The following LRCH4 variants were observed in gnomAD, a reference collection of about 807,000 sequenced individuals.
LRCH4 encodes leucine rich repeats and calponin homology domain containing 4.
In LRCH4, 56 loss-of-function variants were observed where a neutral mutation model predicts 81.2. That is an observed-to-expected ratio of 0.69 (90% CI 0.56 to 0.86). The LOEUF is 0.86. LRCH4 is among the 40% of genes least tolerant of loss of function. LRCH4 has a pLI of 0.00. For missense variants in LRCH4, 895 were observed against 922.8 expected, an observed-to-expected ratio of 0.97 and a Z score of 0.39; for synonymous variants, 442 against 409.7, an observed-to-expected ratio of 1.08 and a Z score of -0.95.
At position 100,576,717 on chromosome 7, in the gene LRCH4, C is replaced by T. The variant is rs150672994; in HGVS notation, c.1529G>A (p.Arg510His). 229 of 1,595,862 alleles carry T rather than the reference C, an allele frequency of 1.4e-4. No homozygotes were observed. Among genetic ancestry groups the T allele is most frequent in the Non-Finnish European group, 1.8e-4 (207 of 1,171,318 alleles). ...SIQRPNSFLFRSSSQSGSGPS... is the reference protein window; with the variant it reads ...SIQRPNSFLFHSSSQSGSGPS... The stretch of plus-strand genomic sequence containing the variant: ...ACCTGAGCCACTCTGAGAGGAGGAA[C>T]GGAAGAGGAAGCTGTTTGGTCTCTG... Residue 510 changes from arginine (R) to histidine (H), a missense_variant, in exon 14 of 18, where the codon CGT (arginine) becomes CAT (histidine). Arg to His is a conservative substitution (Grantham distance 29). This residue lies in a region of LRCH4 where 529 missense variants were observed against 504.9 expected (regional missense o/e 1.05). Transcript: ENST00000310300.
chr7:100,576,414 CCT>C, intron 14 of LRCH4, 91 bp from the exon 15 acceptor site: 4 of 867,668 alleles, frequency 4.6e-6, no homozygotes, highest in East Asian at 5.1e-5. Flanking sequence ...ACACCTCCTG[CCT>C]CTCTGCTTGT....
At position 100,575,536 on chromosome 7, in the gene LRCH4, G is replaced by A. The variant is rs1438824420; in HGVS notation, c.1854+169C>T. 1 of 914,556 alleles carries A rather than the reference G, an allele frequency of 1.1e-6. No individual in the cohort carries two copies. The highest frequency in any genetic ancestry group is 1.3e-5 in the South Asian group (1 of 76,480). The allele number at this position is 914,556 out of a possible 1,614,324, so 56.7% of individuals were successfully genotyped here. On this transcript the variant is annotated intron_variant, in intron 17 of 17. Transcript: ENST00000310300. The surrounding 1 kb of genome is among the most constrained non-coding windows in gnomAD (Gnocchi z 5.3). ...AGGGCAGGGGATGTGTAGGACAGGTGACATGCAGGGCAGGGGGCATGCAGG... is the reference window on the plus strand; with the variant it reads ...AGGGCAGGGGATGTGTAGGACAGGTAACATGCAGGGCAGGGGGCATGCAGG...
rs1562803344 is a variant in LRCH4 at position 100,574,794 on chromosome 7, ACAG to A, written c.*310_*312del. 3.3e-6 allele frequency: 1 copy of A among 306,344 alleles called. No individual in the cohort carries two copies. Among genetic ancestry groups the A allele is most frequent in the Non-Finnish European group, 6.1e-6 (1 of 163,698 alleles). The allele number at this position is 306,344 out of a possible 1,614,324, so 19.0% of individuals were successfully genotyped here. ...GCTGTTGGGGGGGGAAGGGGAGGGCACAGGAGGAAGGGGGAGACTCCAGCTCCT... is the reference window on the plus strand; with the variant it reads ...GCTGTTGGGGGGGGAAGGGGAGGGCAGAGGAAGGGGGAGACTCCAGCTCCT... On this transcript the variant is annotated 3_prime_UTR_variant, in exon 18 of 18. Transcript: ENST00000310300.
rs1436257377 is a variant in LRCH4, at chr7:100,578,352, G to C, written c.848+47C>G. 2 of 1,602,178 alleles carry C rather than the reference G, an allele frequency of 1.2e-6. No homozygotes were observed. The highest frequency in any genetic ancestry group is 1.7e-6 in the Non-Finnish European group (2 of 1,169,400). Reference sequence around the variant, plus strand: ...GCAGGGGGTGCCTGGGGCCGGGAAGGGGCATTCAGTATCCCAGGGCTTCCT... The same window carrying C: ...GCAGGGGGTGCCTGGGGCCGGGAAGCGGCATTCAGTATCCCAGGGCTTCCT... On this transcript the variant is annotated intron_variant, in intron 6 of 17. Coordinates refer to ENST00000310300, the MANE Select transcript of LRCH4 (RefSeq NM_002319.5). The surrounding 1 kb of genome is among the most constrained non-coding windows in gnomAD (Gnocchi z 5.7).
intron 14 of LRCH4, 152 bp from the exon 15 acceptor site, chr7:100,576,475 G>A (rs1562804948): frequency 1.5e-6 from 1 of 675,446 alleles, no homozygotes. Flanking sequence ...TGTTGCCCAG[G>A]CTGGTCTTGA....
At chr7:100,584,826 C>G (rs1311403360) in intron 1 of LRCH4, 3 of 455,608 alleles carry the variant, frequency 6.6e-6, no homozygotes, top group Non-Finnish European at 1.3e-5. Flanking sequence ...GCACTATCCT[C>G]CAGCTCTGGT....
At chr7:100,585,455 C>G (rs1010376884) in intron 1 of LRCH4, 2 of 159,104 alleles carry the variant, frequency 1.3e-5, no homozygotes, top group African/African-American at 4.9e-5. Context: ...CCCGGGGCTG[C>G]TCGGATCTCG....
chr7:100,576,307 G>A lies in LRCH4; in HGVS notation c.1569C>T (p.Asp523=). The change falls in exon 15 of 18, where the codon GAC becomes GAT. Residue 523 remains aspartate, a synonymous_variant. Transcript: ENST00000310300. ...GGTACCGCCGAGGTCTCAGGACAGA[G>A]TCTGGTGAGGAAGGGCCTAGGAGAA... ...SQSGSGPSSP[D]SVLRPRRYPQ... 1 of 1,614,046 alleles carries A rather than the reference G, an allele frequency of 6.2e-7. No individual in the cohort carries two copies. Among genetic ancestry groups the A allele is most frequent in the Non-Finnish European group, 8.5e-7 (1 of 1,179,932 alleles).
At position 100,583,255 on chromosome 7, in the gene LRCH4, G is replaced by A. The variant is rs1051874566; in HGVS notation, c.221-796C>T. ...CACAGACTTCAAGAGATCAGCAACT[G>A]TGTGAGCATCTCAGGCACGGCGAGG... On this transcript the variant is annotated intron_variant, in intron 1 of 17. Transcript: ENST00000310300. This position sits in a 1 kb window ranked among gnomAD's most constrained non-coding sequence, Gnocchi z 4.3. 6.6e-6 allele frequency among the ~76,000 whole-genome samples: 1 copy of A among 152,190 alleles called. No individual in the cohort carries two copies. The highest frequency in any genetic ancestry group is 1.5e-5 in the Non-Finnish European group (1 of 68,020).
rs1476845029 is a variant in LRCH4, at chr7:100,582,433, C to T, written c.247G>A (p.Val83Met). 8 of 1,611,578 alleles carry T rather than the reference C, an allele frequency of 5.0e-6. No individual in the cohort carries two copies. The highest frequency in any genetic ancestry group is 5.9e-6 in the Non-Finnish European group (7 of 1,179,948). ...ACCAGCTGGCACGCCGCCTCGGGCA[C>T]CTCGGGAAACCGGTTCCGGGACAGG... Reference protein sequence around the residue: ...ADLSRNRFPEVPEAACQLVSL... With the variant: ...ADLSRNRFPEMPEAACQLVSL... Residue 83 changes from valine (V) to methionine (M), a missense_variant, in exon 2 of 18, where the codon GTG (valine) becomes ATG (methionine). Physicochemically the swap from Val to Met is conservative, Grantham distance 21 (BLOSUM62 1). Around this residue, in one of 3 missense-constraint regions of LRCH4, gnomAD observed 360 missense variants for 397.0 expected, o/e 0.91. Coordinates refer to ENST00000310300, the MANE Select transcript of LRCH4 (RefSeq NM_002319.5). The surrounding 1 kb of genome is among the most constrained non-coding windows in gnomAD (Gnocchi z 5.0).
rs1390504450 is a variant in LRCH4, at chr7:100,577,618, C to T, written c.1116+46G>A. The T allele has an allele frequency of 6.2e-7, 1 of 1,612,244 alleles. No homozygotes were observed. The highest frequency in any genetic ancestry group is 1.1e-5 in the South Asian group (1 of 91,078). Reference sequence around the variant, plus strand: ...CCTGTGCCCACGCCTGCCCTGTCCCCTCCTCCAGCTCCCCTCCCTTGGGAG... The same window carrying T: ...CCTGTGCCCACGCCTGCCCTGTCCCTTCCTCCAGCTCCCCTCCCTTGGGAG... On this transcript the variant is annotated intron_variant, in intron 9 of 17. Coordinates refer to ENST00000310300, the MANE Select transcript of LRCH4 (RefSeq NM_002319.5). The surrounding 1 kb of genome is among the most constrained non-coding windows in gnomAD (Gnocchi z 6.7).
chr7:100,576,147 G>C (rs953145569), intron 15 of LRCH4, 91 bp downstream of exon 15: 35 of 1,493,630 alleles, frequency 2.3e-5, no homozygotes, highest in Non-Finnish European at 3.0e-5. Context: ...AGTGGGCACA[G>C]AGGATGTGGA....
rs1801423797 is a variant in LRCH4 at position 100,577,877 on chromosome 7, G to A, written c.984C>T (p.Ile328=). Residue 328 remains isoleucine, a synonymous_variant, in exon 8 of 18, where the codon ATC becomes ATT. Transcript: ENST00000310300. The surrounding 1 kb of genome is among the most constrained non-coding windows in gnomAD (Gnocchi z 6.7). ...TDEFSELSFR[I]SELAREPRGP... ...CCCGGGGCTCCCGGGCCAGCTCTGA[G>A]ATCCGGAATGACAGCTCTGAAAATT... 12 of 1,614,076 alleles carry A rather than the reference G, an allele frequency of 7.4e-6. No homozygotes were observed. Among genetic ancestry groups the A allele is most frequent in the Admixed American group, 1.7e-5 (1 of 60,028 alleles).
chr7:100,577,132 C>T lies in LRCH4; in HGVS notation c.1318G>A (p.Ala440Thr). The change falls in exon 12 of 18, where the codon GCT becomes ACT. Residue 440 changes from alanine to threonine, a missense_variant. Ala to Thr is a moderately conservative substitution (Grantham distance 58). This residue lies in a region of LRCH4 where 529 missense variants were observed against 504.9 expected (regional missense o/e 1.05). Coordinates refer to ENST00000310300, the MANE Select transcript of LRCH4 (RefSeq NM_002319.5). This position sits in a 1 kb window ranked among gnomAD's most constrained non-coding sequence, Gnocchi z 6.7. The stretch of plus-strand genomic sequence containing the variant: ...ACGGCGGCGGCCCCTCCCACAACAG[C>T]CCTGAGCCCTGGCTTCAAGAGGCTG... ...KDSLLKPGLR[A>T]VVGGAAAVST... The T allele has an allele frequency of 1.9e-6, 3 of 1,614,080 alleles. No homozygotes were observed. The highest frequency in any genetic ancestry group is 2.5e-6 in the Non-Finnish European group (3 of 1,179,996).
Position 100,577,143 on chromosome 7 carries a change from G to T in LRCH4, c.1307C>A (p.Pro436Gln). 5 of 1,614,062 alleles carry T rather than the reference G, an allele frequency of 3.1e-6. No individual in the cohort carries two copies. The highest frequency in any genetic ancestry group is 4.2e-6 in the Non-Finnish European group (5 of 1,179,996). The change falls in exon 12 of 18, where the codon CCA becomes CAA. Residue 436 changes from proline to glutamine, a missense_variant. Physicochemically the swap from Pro to Gln is moderately conservative, Grantham distance 76. Transcript: ENST00000310300. The surrounding 1 kb of genome is among the most constrained non-coding windows in gnomAD (Gnocchi z 6.7). The stretch of plus-strand genomic sequence containing the variant: ...CCCTCCCACAACAGCCCTGAGCCCT[G>T]GCTTCAAGAGGCTGGAACAAGGAGA... ...GAPRKDSLLK[P>Q]GLRAVVGGAA...
chr7:100,581,491 C>T, intron 4 of LRCH4: 1 of 355,128 alleles, frequency 2.8e-6, no homozygotes, highest in African/African-American at 2.1e-5. Context: ...GTGGAGCCCT[C>T]ATCAGTGAGA....
intron 4 of LRCH4, 36 bp downstream of exon 4, chr7:100,581,736 CACATA>C: frequency 6.3e-7 from 1 of 1,575,326 alleles, no homozygotes; most frequent in Non-Finnish European, 8.7e-7. Flanking sequence ...AACTGGGACG[CACATA>C]CAAACACCTC....
chr7:100,576,150 G>T, intron 15 of LRCH4, 88 bp downstream of exon 15: 2 of 1,498,676 alleles, frequency 1.3e-6, no homozygotes, highest in Non-Finnish European at 1.8e-6. Context: ...GGGCACAGAG[G>T]ATGTGGAGGG....
Position 100,574,790 on chromosome 7 carries a change from G to A in LRCH4, c.*317C>T, listed in dbSNP as rs2131147865. On this transcript the variant is annotated 3_prime_UTR_variant, in exon 18 of 18. Transcript: ENST00000310300. ...AGCAGCTGTTGGGGGGGGAAGGGGA[G>A]GGCACAGGAGGAAGGGGGAGACTCC... is the stretch of plus-strand genomic sequence containing the variant. 1 of 310,330 alleles carries A rather than the reference G, an allele frequency of 3.2e-6. No homozygotes were observed. The highest frequency in any genetic ancestry group is 2.1e-5 in the African/African-American group (1 of 47,500). The allele number at this position is 310,330 out of a possible 1,614,324, so 19.2% of individuals were successfully genotyped here.
Sources: allele counts gnomAD v4.1 joint callset (sites outside exome capture counted in the v4.1 genomes callset), GRCh38; gene constraint gnomAD v4.1.1; regional missense constraint gnomAD v4.1.1; non-coding constraint Gnocchi (gnomAD v3.1); transcripts MANE v1.5; gene names NCBI Gene and HGNC (gene_info 2026-07-23, HGNC 2026-07-21).